Variants in CLEC16A observed in about 807,000 individuals in gnomAD.
CLEC16A encodes C-type lectin domain containing 16A.
Under a neutral mutation model 109.5 loss-of-function variants are expected in CLEC16A, and 51 were observed. That is an observed-to-expected ratio of 0.47 (90% CI 0.37 to 0.59). The LOEUF (loss-of-function observed/expected upper bound fraction) is 0.59. CLEC16A is among the 20% of genes least tolerant of loss of function. CLEC16A has a pLI of 0.00. For synonymous variants in CLEC16A, 673 were observed against 564.2 expected, an observed-to-expected ratio of 1.19 and a Z score of -2.73; for missense variants, 1,339 against 1,394.0, an observed-to-expected ratio of 0.96 and a Z score of 0.63.
intron 19 of CLEC16A, among the ~76,000 whole-genome samples, chr16:11,086,564 C>T (rs367922780): frequency 6.0e-4 from 91 of 152,054 alleles, no homozygotes; most frequent in African/African-American, 2.0e-3. Context: ...TGTTTTGAGA[C>T]GGAGTTTTGC....
intron 22 of CLEC16A, among the ~76,000 whole-genome samples, chr16:11,143,030 C>T (rs546637140): frequency 2.6e-5 from 4 of 152,146 alleles, no homozygotes; most frequent in East Asian, 3.8e-4. Context: ...AGGCTGGTCT[C>T]GAACTTCTGA....
intron 11 of CLEC16A, among the ~76,000 whole-genome samples, chr16:11,007,585 C>T (rs1389502583): frequency 6.6e-6 from 1 of 152,220 alleles, no homozygotes; most frequent in Admixed American, 6.5e-5. Context: ...GTGAGAACAT[C>T]AACACTGTAG....
intron 19 of CLEC16A, among the ~76,000 whole-genome samples, chr16:11,080,566 A>G (rs2049647754): frequency 6.6e-6 from 1 of 152,190 alleles, no homozygotes; most frequent in African/African-American, 2.4e-5. Context: ...ACATTTCTAC[A>G]ACACCCAGTT....
At chr16:11,125,012 C>T (rs748487084) in intron 21 of CLEC16A, among the ~76,000 whole-genome samples, 2 of 152,116 alleles carry the variant, frequency 1.3e-5, no homozygotes, top group South Asian at 2.1e-4. Flanking sequence ...TCACTTGAGC[C>T]TGGGAGGTGG....
chr16:11,013,038 C>T (rs1010376671), intron 11 of CLEC16A, among the ~76,000 whole-genome samples: 4 of 152,092 alleles, frequency 2.6e-5, no homozygotes, highest in East Asian at 1.9e-4. Context: ...ACTCAGACTG[C>T]GCCTGTGTGG....
intron 18 of CLEC16A, among the ~76,000 whole-genome samples, chr16:11,054,232 C>T (rs1450207312): frequency 9.9e-5 from 15 of 152,136 alleles, no homozygotes; most frequent in Non-Finnish European, 1.3e-4. Flanking sequence ...GATCCACAGG[C>T]GAGAGATGGG....
At chr16:11,028,410 G>A (rs2046547229) in intron 13 of CLEC16A, among the ~76,000 whole-genome samples, 1 of 152,110 alleles carries the variant, frequency 6.6e-6, no homozygotes, top group African/African-American at 2.4e-5. Context: ...GGCTCCCTAA[G>A]ACTCCTGCAG....
At chr16:11,080,706 T>C (rs2152944116) in intron 19 of CLEC16A, among the ~76,000 whole-genome samples, 1 of 152,344 alleles carries the variant, frequency 6.6e-6, no homozygotes, top group Non-Finnish European at 1.5e-5. Flanking sequence ...AAAGGTCGCC[T>C]GTGCTTTGGC....
intron 23 of CLEC16A, among the ~76,000 whole-genome samples, chr16:11,177,047 C>T (rs3960630): frequency 6.2e-4 from 95 of 152,150 alleles, no homozygotes; most frequent in Non-Finnish European, 1.0e-3. Flanking sequence ...ACCATGCTTC[C>T]CGGGTCCCAG....
intron 10 of CLEC16A, among the ~76,000 whole-genome samples, chr16:10,993,146 C>A (rs1362749476): frequency 6.6e-6 from 1 of 152,108 alleles, no homozygotes; most frequent in Non-Finnish European, 1.5e-5. Flanking sequence ...AATCCCACCA[C>A]TTTGGGAGGC....
chr16:11,157,126 G>A, intron 22 of CLEC16A: 1 of 1,301,402 alleles, frequency 7.7e-7, no homozygotes, highest in African/African-American at 1.5e-5. Context: ...CATGGATAAA[G>A]AGCTATAGGC....
intron 10 of CLEC16A, among the ~76,000 whole-genome samples, chr16:10,986,438 C>A (rs2043661052): frequency 6.6e-6 from 1 of 152,170 alleles, no homozygotes. Flanking sequence ...CAGCAGATTT[C>A]TAGATCTCAT....
chr16:11,014,035 A>G (rs1361994349), intron 11 of CLEC16A, among the ~76,000 whole-genome samples: 3 of 152,214 alleles, frequency 2.0e-5, no homozygotes, highest in African/African-American at 7.2e-5. Context: ...TTTAATTTTC[A>G]TTTTAAAAAT....
At chr16:11,160,818 A>G (rs2054697605) in intron 22 of CLEC16A, among the ~76,000 whole-genome samples, 1 of 152,222 alleles carries the variant, frequency 6.6e-6, no homozygotes, top group Non-Finnish European at 1.5e-5. Flanking sequence ...GCTGTCCCTA[A>G]TGTGTGATTC....
chr16:11,084,293 C>T (rs2049891883), intron 19 of CLEC16A, among the ~76,000 whole-genome samples: 1 of 152,108 alleles, frequency 6.6e-6, no homozygotes, highest in African/African-American at 2.4e-5. Flanking sequence ...TCTCTCTGTT[C>T]ATGGCATTTC....
intron 13 of CLEC16A, among the ~76,000 whole-genome samples, chr16:11,029,269 C>T (rs147245206): frequency 6.6e-6 from 1 of 152,152 alleles, no homozygotes; most frequent in East Asian, 1.9e-4. Context: ...ACTGGCCCCC[C>T]CAGTGTGAGC....
At chr16:11,080,382 C>A (rs2049635327) in intron 19 of CLEC16A, among the ~76,000 whole-genome samples, 1 of 152,202 alleles carries the variant, frequency 6.6e-6, no homozygotes, top group South Asian at 2.1e-4. Flanking sequence ...GGCGTCCGAG[C>A]CTTTGAGCCA....
chr16:11,166,648 A>G (rs758050822), intron 23 of CLEC16A, 96 bp downstream of exon 23: 17 of 1,278,348 alleles, frequency 1.3e-5, no homozygotes, highest in Non-Finnish European at 1.8e-5. Context: ...CCTCCTTGTC[A>G]CAGCACTTGA....
At chr16:11,157,088 T>C (rs1014083753) in intron 22 of CLEC16A, 29 of 1,304,072 alleles carry the variant, frequency 2.2e-5, no homozygotes, top group Non-Finnish European at 2.9e-5. Flanking sequence ...TTTTCAAGGA[T>C]AGTGTTTAAA....
Sources: gnomAD v4.1 joint callset for allele counts (sites outside exome capture counted in the v4.1 genomes callset) on GRCh38, gnomAD v4.1.1 for gene constraint, MANE v1.5 for transcripts, NCBI Gene and HGNC (gene_info 2026-07-23, HGNC 2026-07-21) for gene names.